Variants in TRMT11 observed in about 807,000 individuals in gnomAD.
TRMT11 encodes tRNA methyltransferase 11.
Under a neutral mutation model 62.8 loss-of-function variants are expected in TRMT11, and 53 were observed. The ratio of observed to expected loss-of-function variants is 0.84; its 90% CI spans 0.68 to 1.06. The LOEUF (loss-of-function observed/expected upper bound fraction) is 1.06. Among genes scored for constraint, TRMT11 ranks in the 50% least tolerant of loss-of-function variants. The probability of loss-of-function intolerance (pLI) is 0.00; values close to 1 mark genes in which losing one functional copy is unlikely to be tolerated. For synonymous variants in TRMT11, 188 were observed against 190.3 expected (o/e 0.99, Z 0.10); for missense variants, 556 against 553.4 (o/e 1.00, Z -0.05).
At chr6:126,209,543 A>AC in the TRMT11 span, among the ~76,000 whole-genome samples, 2 of 150,082 alleles carry the variant, frequency 1.3e-5, no homozygotes, top group Non-Finnish European at 3.0e-5. Flanking sequence ...ACACGGTGAA[A>AC]CCCCGTCTCT....
intron 21 of TRMT11, among the ~76,000 whole-genome samples, chr6:126,118,531 A>G (rs568222999): frequency 1.0e-3 from 152 of 152,260 alleles, no homozygotes; most frequent in Non-Finnish European, 1.7e-3. Flanking sequence ...TTTTGGGATA[A>G]AAGTCTGATG....
At chr6:126,179,321 A>G (rs988885555) in intron 1 of TRMT11, among the ~76,000 whole-genome samples, 1 of 152,102 alleles carries the variant, frequency 6.6e-6, no homozygotes, top group African/African-American at 2.4e-5. Flanking sequence ...CTCTTTATCT[A>G]TGTGGGTTCA....
chr6:126,041,641 G>GT (rs1775882717), downstream of TRMT11, among the ~76,000 whole-genome samples: 1 of 152,152 alleles, frequency 6.6e-6, no homozygotes, highest in Non-Finnish European at 1.5e-5. Context: ...AAAAAGCACA[G>GT]TGGAACTAGG....
chr6:126,137,059 A>G (rs554317008), intron 21 of TRMT11, among the ~76,000 whole-genome samples: 1 of 151,876 alleles, frequency 6.6e-6, no homozygotes, highest in Non-Finnish European at 1.5e-5. Context: ...GGGGACATAC[A>G]GGACATTGGA....
At chr6:126,220,502 A>C in the TRMT11 span, among the ~76,000 whole-genome samples, 4 of 152,152 alleles carry the variant, frequency 2.6e-5, no homozygotes, top group African/African-American at 9.7e-5. Context: ...TTTGCTCCCA[A>C]ATGAAAGGAG....
chr6:126,017,892 G>A (rs1365756286), intron 11 of TRMT11, among the ~76,000 whole-genome samples: 4 of 152,172 alleles, frequency 2.6e-5, no homozygotes, highest in Non-Finnish European at 4.4e-5. Flanking sequence ...TACAATCCAG[G>A]TGTTTGATGT....
intron 1 of TRMT11, among the ~76,000 whole-genome samples, chr6:126,197,940 C>T (rs1778685482): frequency 6.6e-6 from 1 of 152,082 alleles, no homozygotes; most frequent in Non-Finnish European, 1.5e-5. Flanking sequence ...AACAAAAAGA[C>T]CTCTCATAAC....
intron 21 of TRMT11, among the ~76,000 whole-genome samples, chr6:126,167,415 T>C (rs923037905): frequency 2.0e-5 from 3 of 152,186 alleles, no homozygotes; most frequent in Non-Finnish European, 4.4e-5. Flanking sequence ...TGCCTCACCC[T>C]GCTTCTGCTC....
intron 21 of TRMT11, among the ~76,000 whole-genome samples, chr6:126,120,191 C>A (rs547189390): frequency 5.1e-4 from 77 of 152,232 alleles, no homozygotes; most frequent in African/African-American, 1.8e-3. Context: ...AGGAGAATCA[C>A]GTGAACCTGG....
intron 16 of TRMT11, among the ~76,000 whole-genome samples, chr6:126,046,110 C>T (rs1009361613): frequency 6.6e-6 from 1 of 152,124 alleles, no homozygotes; most frequent in African/African-American, 2.4e-5. Flanking sequence ...TAGATAAATT[C>T]TTGGAGTTGG....
At chr6:126,083,096 G>A (rs1777176603) in intron 17 of TRMT11, among the ~76,000 whole-genome samples, 1 of 152,152 alleles carries the variant, frequency 6.6e-6, no homozygotes, top group African/African-American at 2.4e-5. Flanking sequence ...AATGGCTAAT[G>A]GGTATATTAA....
chr6:126,007,589 T>C (rs1011174521), intron 7 of TRMT11, among the ~76,000 whole-genome samples: 1 of 152,036 alleles, frequency 6.6e-6, no homozygotes. Flanking sequence ...TTGTGTACAA[T>C]TTTTTCTTAA....
chr6:126,058,657 A>G (rs1427520906), intron 17 of TRMT11, among the ~76,000 whole-genome samples: 1 of 152,218 alleles, frequency 6.6e-6, no homozygotes, highest in Non-Finnish European at 1.5e-5. Context: ...GAAAACATTA[A>G]CAAAATAAAT....
chr6:126,167,523 C>A (rs1474367750), intron 21 of TRMT11, among the ~76,000 whole-genome samples: 1 of 152,218 alleles, frequency 6.6e-6, no homozygotes, highest in South Asian at 2.1e-4. Context: ...CTTCTTTGAT[C>A]TCACTGGGAG....
chr6:126,124,918 A>G (rs184044993), intron 21 of TRMT11, among the ~76,000 whole-genome samples: 1 of 152,088 alleles, frequency 6.6e-6, no homozygotes, highest in Non-Finnish European at 1.5e-5. Context: ...CTCAGATGCA[A>G]ATCTCTTTAG....
At chr6:126,228,139 G>C in the TRMT11 span, among the ~76,000 whole-genome samples, 1 of 152,200 alleles carries the variant, frequency 6.6e-6, no homozygotes, top group African/African-American at 2.4e-5. Context: ...GCCCAGCTCT[G>C]GGGTGAAGCT....
rs190529553 is a variant in TRMT11, at chr6:126,139,513, C to T, written c.*1823+23658C>T. Among the ~76,000 whole-genome samples, 815 of 152,022 alleles carry T rather than the reference C, an allele frequency of 5.4e-3. 29 individuals carry two copies. The highest frequency in any genetic ancestry group is 0.051 in the Admixed American group (772 of 15,226). ...CCTCCCAAGTAGCTGGGATTACAGG[C>T]GCCTGCTACCACACCTGGCTAATTT... On this transcript the variant is annotated intron_variant and NMD_transcript_variant, in intron 21 of 22. Coordinates refer to the TRMT11 transcript ENST00000648977.
downstream of TRMT11, among the ~76,000 whole-genome samples, chr6:126,041,356 A>G (rs950492624): frequency 2.0e-5 from 3 of 152,162 alleles, no homozygotes; most frequent in South Asian, 4.1e-4. Flanking sequence ...CTCGTAAATT[A>G]AAGAAGCAGG....
At chr6:126,094,780 G>A (rs1187773720) in intron 17 of TRMT11, among the ~76,000 whole-genome samples, 11 of 152,218 alleles carry the variant, frequency 7.2e-5, no homozygotes, top group Non-Finnish European at 5.9e-5. Flanking sequence ...ATTAACTATG[G>A]TCTATTTTCT....
Sources: gnomAD v4.1 joint callset for allele counts (sites outside exome capture counted in the v4.1 genomes callset) on GRCh38, gnomAD v4.1.1 for gene constraint, MANE v1.5 for transcripts, NCBI Gene and HGNC (gene_info 2026-07-23, HGNC 2026-07-21) for gene names.